PTPRN2: variants seen among roughly 807,000 people sequenced by gnomAD.
PTPRN2 encodes the protein protein tyrosine phosphatase receptor type N2, also known as receptor-type tyrosine-protein phosphatase N2.
In PTPRN2, 74 loss-of-function variants were observed where a neutral mutation model predicts 118.8. The ratio of observed to expected loss-of-function variants is 0.62; its 90% confidence interval spans 0.52 to 0.76. PTPRN2 has a LOEUF of 0.76. Ranked by LOEUF, PTPRN2 falls within the 30% of genes least tolerant of loss-of-function variation. PTPRN2 has a pLI of 0.00. For synonymous variants in PTPRN2, 641 were observed against 608.0 expected, an observed-to-expected ratio of 1.05 and a Z score of -0.80; for missense variants, 1,481 against 1,394.4, an observed-to-expected ratio of 1.06 and a Z score of -0.99.
intron 11 of PTPRN2, among the ~76,000 whole-genome samples, chr7:158,073,549 G>A (rs371424826): frequency 1.2e-4 from 18 of 152,264 alleles, no homozygotes; most frequent in African/African-American, 3.6e-4. Context: ...TTTCTGCTCC[G>A]GTATAAAGAC....
Position 157,550,258 on chromosome 7 carries a change from G to A in PTPRN2, c.2903-1239C>T, listed in dbSNP as rs986413536. Reference sequence around the variant, plus strand: ...GCCAGTGGGGGCTCAGGCTCCAGGAGGATCATCCCAGCAGGGTAGCAGGTG... The same window carrying A: ...GCCAGTGGGGGCTCAGGCTCCAGGAAGATCATCCCAGCAGGGTAGCAGGTG... On this transcript the variant is annotated intron_variant, in intron 21 of 22. Transcript: ENST00000389418. The surrounding 1 kb of genome is among the most constrained non-coding windows in gnomAD (Gnocchi z 5.2). 6.6e-6 allele frequency among the ~76,000 whole-genome samples: 1 copy of A among 152,216 alleles called. No homozygotes were observed. Among genetic ancestry groups the A allele is most frequent in the African/African-American group, 2.4e-5 (1 of 41,460 alleles).
intron 12 of PTPRN2, among the ~76,000 whole-genome samples, chr7:157,796,246 C>A (rs182876039): frequency 6.6e-6 from 1 of 152,222 alleles, no homozygotes; most frequent in East Asian, 1.9e-4. Flanking sequence ...GGACTTGTGG[C>A]GCTTTTCTTT....
rs112600767 is a variant in PTPRN2 at position 158,430,578 on chromosome 7, T to A, written c.163+59157A>T. Among the ~76,000 whole-genome samples, 827 of 152,340 alleles carry A rather than the reference T, an allele frequency of 5.4e-3. 13 individuals carry two copies. The highest frequency in any genetic ancestry group is 0.019 in the African/African-American group (790 of 41,586). On this transcript the variant is annotated intron_variant, in intron 2 of 22. Transcript: ENST00000389418. ...CACTGCATGGGAGTGCATTGCTTCT[T>A]GTCCTAATTGACAGGGAACATTTGG...
intron 2 of PTPRN2, among the ~76,000 whole-genome samples, chr7:158,453,003 C>G (rs191431878): frequency 1.3e-5 from 2 of 152,366 alleles, no homozygotes; most frequent in African/African-American, 4.8e-5. Context: ...AGCTGCAGGG[C>G]TGGGCATGAT....
At chr7:157,841,348 T>C (rs999812301) in intron 12 of PTPRN2, among the ~76,000 whole-genome samples, 6 of 152,226 alleles carry the variant, frequency 3.9e-5, no homozygotes, top group African/African-American at 1.4e-4. Flanking sequence ...GAGCCCCACA[T>C]GGTGGGAAGC....
At position 158,270,790 on chromosome 7, in the gene PTPRN2, C is replaced by T. The variant is rs528429163; in HGVS notation, c.277+46029G>A. The stretch of plus-strand genomic sequence containing the variant: ...ACCCCGTCCACCTGGACCACCCCTC[C>T]ACCTGGACCACCCCCTCACCTGGAC... On this transcript the variant is annotated intron_variant, in intron 3 of 22. Coordinates refer to ENST00000389418, the MANE Select transcript of PTPRN2 (RefSeq NM_002847.5). Among the ~76,000 whole-genome samples, 71 of 118,380 alleles carry T rather than the reference C, an allele frequency of 6.0e-4. 12 individuals are homozygous for T. The highest frequency in any genetic ancestry group is 2.4e-3 in the African/African-American group (68 of 28,640). 77.7% of individuals were successfully genotyped at this position (118,380 alleles called of 152,430 possible). A position where few individuals can be genotyped will look rare whatever the true frequency, so the allele number is the denominator to read the frequency against.
chr7:157,822,815 C>T (rs1298680149), intron 12 of PTPRN2, among the ~76,000 whole-genome samples: 2 of 151,914 alleles, frequency 1.3e-5, no homozygotes, highest in African/African-American at 4.8e-5. Context: ...TCCATCCATC[C>T]TTATATCCAT....
intron 3 of PTPRN2, among the ~76,000 whole-genome samples, chr7:158,287,700 A>G (rs1799855023): frequency 6.6e-6 from 1 of 152,048 alleles, no homozygotes; most frequent in Admixed American, 6.6e-5. Flanking sequence ...TGTGATTTGA[A>G]TCTTCTTAAA....
intron 2 of PTPRN2, among the ~76,000 whole-genome samples, chr7:158,411,853 C>T (rs1563260713): frequency 6.6e-6 from 1 of 152,150 alleles, no homozygotes; most frequent in South Asian, 2.1e-4. Flanking sequence ...GACAATAGGC[C>T]CATCTCGTTA....
chr7:157,605,133 C>T (rs1395918702), intron 15 of PTPRN2, among the ~76,000 whole-genome samples: 1 of 152,250 alleles, frequency 6.6e-6, no homozygotes, highest in African/African-American at 2.4e-5. Context: ...CAGCCTGGGT[C>T]CCATGCCTGC....
intron 12 of PTPRN2, among the ~76,000 whole-genome samples, chr7:157,796,947 C>T (rs1296078756): frequency 6.6e-6 from 1 of 152,184 alleles, no homozygotes; most frequent in African/African-American, 2.4e-5. Flanking sequence ...GATTTTGGGG[C>T]ACACTGATCC....
At chr7:158,511,630 T>C (rs1452426105) in intron 1 of PTPRN2, among the ~76,000 whole-genome samples, 1 of 152,170 alleles carries the variant, frequency 6.6e-6, no homozygotes, top group African/African-American at 2.4e-5. Context: ...GCTTTGCCTC[T>C]CACACAATCG....
At chr7:157,907,416 C>G (rs1440651667) in intron 11 of PTPRN2, among the ~76,000 whole-genome samples, 1 of 148,310 alleles carries the variant, frequency 6.7e-6, no homozygotes, top group African/African-American at 2.5e-5. Flanking sequence ...TGTGGGGTGT[C>G]CCGGGTGGCA....
chr7:158,507,936 C>A (rs1251337203), intron 1 of PTPRN2, among the ~76,000 whole-genome samples: 3 of 151,448 alleles, frequency 2.0e-5, no homozygotes, highest in African/African-American at 7.3e-5. Context: ...CTGCGCTGGG[C>A]AGGAAATCAC....
intron 10 of PTPRN2, among the ~76,000 whole-genome samples, chr7:158,090,693 T>A (rs535405978): frequency 2.6e-5 from 4 of 152,352 alleles, no homozygotes; most frequent in African/African-American, 9.6e-5. Context: ...GAGACAAACA[T>A]ACCAGCCCTC....
intron 3 of PTPRN2, among the ~76,000 whole-genome samples, chr7:158,239,016 C>A (rs1246225388): frequency 6.6e-6 from 1 of 152,136 alleles, no homozygotes; most frequent in Non-Finnish European, 1.5e-5. Context: ...CTCGTGAGGG[C>A]CGTGGAGGGG....
At chr7:157,754,458 C>T (rs1255058662) in intron 12 of PTPRN2, among the ~76,000 whole-genome samples, 6 of 152,342 alleles carry the variant, frequency 3.9e-5, no homozygotes, top group South Asian at 2.1e-4. Context: ...GGTGTGGGAC[C>T]GTGGGCAGAC....
At chr7:158,014,264 CCACCCATCTATT>C (rs1806275160) in intron 11 of PTPRN2, among the ~76,000 whole-genome samples, 1 of 151,226 alleles carries the variant, frequency 6.6e-6, no homozygotes, top group South Asian at 2.1e-4. Context: ...ATCCCTCCAT[CCACCCATCTATT>C]CACTCATCTA....
chr7:158,173,336 A>C (rs1823886236), intron 5 of PTPRN2, among the ~76,000 whole-genome samples: 1 of 152,166 alleles, frequency 6.6e-6, no homozygotes, highest in African/African-American at 2.4e-5. Context: ...AAAGAGGTAA[A>C]TTTTACAGCT....
Sources: allele counts gnomAD v4.1 joint callset (sites outside exome capture counted in the v4.1 genomes callset), GRCh38; gene constraint gnomAD v4.1.1; non-coding constraint Gnocchi (gnomAD v3.1); transcripts MANE v1.5; gene names NCBI Gene and HGNC (gene_info 2026-07-23, HGNC 2026-07-21).